Variants in SCAI observed in about 807,000 individuals in gnomAD.
The protein encoded by SCAI is suppressor of cancer cell invasion.
A neutral mutation model predicts 92.2 loss-of-function variants in SCAI; 24 were observed. The observed-to-expected ratio is 0.26, with a 90% CI of 0.19 to 0.37. SCAI has a LOEUF of 0.37. Among genes scored for constraint, SCAI ranks in the 10% least tolerant of loss-of-function variants. SCAI has a pLI of 1.00. For synonymous variants in SCAI, 261 were observed against 258.6 expected, an observed-to-expected ratio of 1.01 and a Z score of -0.09; for missense variants, 450 against 736.2, an observed-to-expected ratio of 0.61 and a Z score of 4.50.
At chr9:125,076,235 A>T (rs1376089155) in intron 2 of SCAI, among the ~76,000 whole-genome samples, 5 of 151,938 alleles carry the variant, frequency 3.3e-5, no homozygotes, top group Admixed American at 1.3e-4. Context: ...GTGGTGGCTC[A>T]TATCTGTAAT....
At chr9:125,020,232 C>T (rs1401283976) in intron 7 of SCAI, among the ~76,000 whole-genome samples, 2 of 152,100 alleles carry the variant, frequency 1.3e-5, no homozygotes, top group African/African-American at 4.8e-5. Flanking sequence ...GGTCTGAAGA[C>T]AGTTAACTCT....
intron 3 of SCAI, 78 bp downstream of exon 3, chr9:125,055,798 G>T: frequency 7.8e-7 from 1 of 1,274,516 alleles, no homozygotes; most frequent in Admixed American, 2.6e-5. Flanking sequence ...ATAATTTTCG[G>T]AAACTTACCA....
intron 2 of SCAI, among the ~76,000 whole-genome samples, chr9:125,093,859 C>A (rs183305900): frequency 2.0e-5 from 3 of 151,832 alleles, no homozygotes; most frequent in African/African-American, 7.3e-5. Context: ...CCACCGTGCC[C>A]GGCCGACACC....
At chr9:125,077,343 T>C (rs1834110907) in intron 2 of SCAI, among the ~76,000 whole-genome samples, 1 of 152,264 alleles carries the variant, frequency 6.6e-6, no homozygotes. Flanking sequence ...CCAAATTTTG[T>C]TTCTCCTTTC....
chr9:125,031,820 T>C (rs1348934187), intron 3 of SCAI, among the ~76,000 whole-genome samples: 4 of 152,138 alleles, frequency 2.6e-5, no homozygotes, highest in Admixed American at 6.6e-5. Context: ...AATTTTTTTA[T>C]GATGGAAAAT....
In SCAI at chr9:125,130,057, C is replaced by T. The variant is rs532488207; in HGVS notation, c.98+12576G>A. ...GGGATTATAGGCGCCCACCACCACG[C>T]CCAGCTAATTTTTGTATTTTTAGTA... On this transcript the variant is annotated intron_variant, in intron 2 of 17. Transcript: ENST00000336505. 5.3e-5 allele frequency among the ~76,000 whole-genome samples: 8 copies of T among 151,930 alleles called. No homozygotes were observed. The East Asian group carries it at 1.2e-3, about 22-fold the overall frequency.
At chr9:125,012,840 C>T (rs1832668750) in intron 9 of SCAI, among the ~76,000 whole-genome samples, 1 of 152,166 alleles carries the variant, frequency 6.6e-6, no homozygotes, top group South Asian at 2.1e-4. Flanking sequence ...TCTCAGACCA[C>T]AGTGCAATCA....
intron 9 of SCAI, among the ~76,000 whole-genome samples, chr9:125,006,191 A>G (rs1832503439): frequency 6.6e-6 from 1 of 152,188 alleles, no homozygotes; most frequent in South Asian, 2.1e-4. Context: ...TGATTCAGCA[A>G]ACAGAAACAG....
At chr9:125,126,770 T>C (rs983311740) in intron 2 of SCAI, among the ~76,000 whole-genome samples, 1 of 152,192 alleles carries the variant, frequency 6.6e-6, no homozygotes, top group Non-Finnish European at 1.5e-5. Flanking sequence ...AATCAAATCA[T>C]TTTTGGATAG....
At chr9:125,143,309 C>A in intron 1 of SCAI, 76 bp downstream of exon 1, 1 of 940,912 alleles carries the variant, frequency 1.1e-6, no homozygotes. Context: ...GCTCCACCGC[C>A]CCGAGCCGCT....
intron 9 of SCAI, among the ~76,000 whole-genome samples, chr9:125,004,754 TATATATATATATATATATATATATA>T (rs1407870192): frequency 5.8e-3 from 63 of 10,936 alleles, no homozygotes; most frequent in East Asian, 0.013. Flanking sequence ...TATATATATA[TATATATATATATATATATATATATA>T]TTTTTTTTTT....
intron 9 of SCAI, among the ~76,000 whole-genome samples, chr9:125,009,828 G>A (rs765952447): frequency 2.6e-4 from 39 of 152,022 alleles, no homozygotes; most frequent in Non-Finnish European, 4.3e-4. Context: ...AGGAGCCAGA[G>A]GTGGCAGTGA....
At chr9:125,000,109 T>C in intron 12 of SCAI, 119 bp from the exon 13 acceptor site, 1 of 478,598 alleles carries the variant, frequency 2.1e-6, no homozygotes. Flanking sequence ...ATTACACATT[T>C]AAATTATTTT....
At chr9:124,975,318 C>T (rs1192740338) in intron 15 of SCAI, 1 of 456,652 alleles carries the variant, frequency 2.2e-6, no homozygotes, top group Non-Finnish European at 4.4e-6. Context: ...CTGTGTCAAA[C>T]TATGTCAGCA....
At chr9:125,065,523 AAG>A (rs1833854708) in intron 2 of SCAI, among the ~76,000 whole-genome samples, 1 of 152,210 alleles carries the variant, frequency 6.6e-6, no homozygotes, top group Non-Finnish European at 1.5e-5. Flanking sequence ...ACAAAAGAAA[AAG>A]AGGCAATCTT....
intron 9 of SCAI, among the ~76,000 whole-genome samples, chr9:125,007,713 T>G (rs1404903921): frequency 6.6e-6 from 1 of 151,650 alleles, no homozygotes; most frequent in African/African-American, 2.4e-5. Flanking sequence ...GGCTGAAGTG[T>G]GTGGCACAAT....
chr9:124,973,857 A>G (rs763813966), intron 15 of SCAI, among the ~76,000 whole-genome samples: 1 of 152,078 alleles, frequency 6.6e-6, no homozygotes, highest in African/African-American at 2.4e-5. Flanking sequence ...ATTTCTCTAC[A>G]TGCTCCCTAA....
chr9:125,039,706 T>G (rs1833280871), intron 3 of SCAI, among the ~76,000 whole-genome samples: 1 of 152,062 alleles, frequency 6.6e-6, no homozygotes, highest in African/African-American at 2.4e-5. Context: ...CCAGCTTGGG[T>G]TTATTTATAT....
chr9:124,965,007 T>TG (rs1425979797), intron 17 of SCAI, among the ~76,000 whole-genome samples: 4 of 151,662 alleles, frequency 2.6e-5, no homozygotes, highest in Admixed American at 1.3e-4. Flanking sequence ...GGCAGGTTTT[T>TG]TTTTTTTTTC....
Sources: gnomAD v4.1 joint callset for allele counts (sites outside exome capture counted in the v4.1 genomes callset) on GRCh38, gnomAD v4.1.1 for gene constraint, MANE v1.5 for transcripts, NCBI Gene and HGNC (gene_info 2026-07-23, HGNC 2026-07-21) for gene names.